Variants in RNF125 observed in about 807,000 individuals in gnomAD.
RNF125 encodes the protein ring finger protein 125.
A neutral mutation model predicts 26.0 loss-of-function variants in RNF125; 21 were observed. The observed-to-expected ratio is 0.81, with a 90% CI of 0.57 to 1.16. RNF125 has a LOEUF of 1.16. Ranked by LOEUF, RNF125 falls within the 50% of genes most tolerant of loss-of-function variation. The pLI is 0.00. For synonymous variants in RNF125, 95 were observed against 109.2 expected (o/e 0.87, Z 0.81); for missense variants, 270 against 299.4 (o/e 0.90, Z 0.72).
chr18:32,045,367 T>C (rs2039258810), intron 3 of RNF125, among the ~76,000 whole-genome samples: 1 of 151,768 alleles, frequency 6.6e-6, no homozygotes, highest in Non-Finnish European at 1.5e-5. Flanking sequence ...GAGACCATCC[T>C]GGCCAACATG....
intron 4 of RNF125, among the ~76,000 whole-genome samples, chr18:32,057,302 A>G (rs1384004329): frequency 6.6e-6 from 1 of 151,562 alleles, no homozygotes; most frequent in Non-Finnish European, 1.5e-5. Flanking sequence ...TGGCCTAATT[A>G]TGATTCTCAG....
At chr18:32,054,163 G>A (rs939604312) in intron 4 of RNF125, among the ~76,000 whole-genome samples, 1 of 146,132 alleles carries the variant, frequency 6.8e-6, no homozygotes, top group African/African-American at 2.6e-5. Flanking sequence ...GCGTGGTCTC[G>A]GCTCGGAGCA....
the RNF125 span, among the ~76,000 whole-genome samples, chr18:32,089,007 T>C: frequency 6.6e-6 from 1 of 152,084 alleles, no homozygotes; most frequent in African/African-American, 2.4e-5. Flanking sequence ...ACAAAGGATG[T>C]CATAGACAGT....
intron 3 of RNF125, among the ~76,000 whole-genome samples, chr18:32,044,174 T>G (rs889740521): frequency 6.6e-6 from 1 of 152,046 alleles, no homozygotes; most frequent in South Asian, 2.1e-4. Flanking sequence ...GCCTAGCTAA[T>G]TTTTGTGTTT....
At chr18:32,037,359 C>T (rs552409953) in intron 2 of RNF125, 90 bp downstream of exon 2, 60 of 420,900 alleles carry the variant, frequency 1.4e-4, no homozygotes, top group East Asian at 3.8e-4. Flanking sequence ...CCCCATGGTA[C>T]GCACCTTTTT....
intron 1 of RNF125, among the ~76,000 whole-genome samples, chr18:32,029,077 G>C (rs925596646): frequency 1.3e-5 from 2 of 152,148 alleles, no homozygotes; most frequent in Non-Finnish European, 2.9e-5. Context: ...ACTGTGCCAT[G>C]AAAAGTTGAT....
intron 1 of RNF125, among the ~76,000 whole-genome samples, chr18:32,024,209 CT>C (rs563347490): frequency 1.3e-4 from 3 of 23,586 alleles, no homozygotes; most frequent in Admixed American, 4.3e-4. Context: ...TTTTTTTTTT[CT>C]TTTTTTTTTT....
At chr18:32,027,881 G>T (rs932620045) in intron 1 of RNF125, among the ~76,000 whole-genome samples, 1 of 151,980 alleles carries the variant, frequency 6.6e-6, no homozygotes, top group Admixed American at 6.6e-5. Flanking sequence ...TATACTTGAG[G>T]TTACAGAAGA....
At chr18:32,061,652 C>A (rs918021557) in intron 4 of RNF125, among the ~76,000 whole-genome samples, 2 of 152,208 alleles carry the variant, frequency 1.3e-5, no homozygotes, top group East Asian at 1.9e-4. Context: ...GCCTGGCTGG[C>A]TCATTCTTCA....
chr18:32,041,945 A>G lies in RNF125; in HGVS notation c.319-234A>G, dbSNP rs1224382254. Reference sequence around the variant, plus strand: ...GCGCCCGGCCGTATATGCTTTTTAGAAGAACCAAATTCAAGAACTTAACAG... The same window carrying G: ...GCGCCCGGCCGTATATGCTTTTTAGGAGAACCAAATTCAAGAACTTAACAG... On this transcript the variant is annotated intron_variant, in intron 2 of 5. Coordinates refer to ENST00000217740, the MANE Select transcript of RNF125 (RefSeq NM_017831.4). The G allele has an allele frequency of 8.8e-6, 4 of 456,708 alleles. No homozygotes were observed. In the East Asian group the frequency reaches 1.7e-4, roughly 20 times the overall value. The allele number at this position is 456,708 out of a possible 1,614,324, so 28.3% of individuals were successfully genotyped here. A position where few individuals can be genotyped will look rare whatever the true frequency, so the allele number is the denominator to read the frequency against.
intron 1 of RNF125, among the ~76,000 whole-genome samples, chr18:32,032,258 A>G (rs2039104596): frequency 6.6e-6 from 1 of 151,434 alleles, no homozygotes; most frequent in Non-Finnish European, 1.5e-5. Context: ...TGGTATTTTT[A>G]GTAGAGATGG....
intron 4 of RNF125, among the ~76,000 whole-genome samples, chr18:32,064,585 G>A (rs1193610963): frequency 6.6e-6 from 1 of 151,690 alleles, no homozygotes; most frequent in Non-Finnish European, 1.5e-5. Context: ...TGAAAAATAT[G>A]AGTACAGGCA....
intron 1 of RNF125, among the ~76,000 whole-genome samples, chr18:32,022,213 T>C (rs2038992677): frequency 6.6e-6 from 1 of 152,244 alleles, no homozygotes; most frequent in Non-Finnish European, 1.5e-5. Context: ...TGATTTTTGT[T>C]TGTAAACCTA....
At chr18:32,048,790 C>G (rs978851597) in intron 4 of RNF125, among the ~76,000 whole-genome samples, 14 of 152,188 alleles carry the variant, frequency 9.2e-5, no homozygotes, top group African/African-American at 3.4e-4. Flanking sequence ...CGGGCTTTTC[C>G]TGCTCAAGTT....
intron 3 of RNF125, among the ~76,000 whole-genome samples, chr18:32,044,892 G>A (rs752750506): frequency 2.0e-5 from 3 of 151,966 alleles, no homozygotes; most frequent in Non-Finnish European, 4.4e-5. Flanking sequence ...AGGTCAAGGC[G>A]GGTGGATTGC....
chr18:32,035,934 C>G (rs2039148241), intron 1 of RNF125, among the ~76,000 whole-genome samples: 1 of 152,092 alleles, frequency 6.6e-6, no homozygotes, highest in South Asian at 2.1e-4. Context: ...AGGTGGATCA[C>G]CTGAGGTCAG....
rs2039508093 is a variant in RNF125 at position 32,068,837 on chromosome 18, A to C, written c.*453A>C. On this transcript the variant is annotated 3_prime_UTR_variant, in exon 6 of 6. Coordinates refer to ENST00000217740, the MANE Select transcript of RNF125 (RefSeq NM_017831.4). The stretch of plus-strand genomic sequence containing the variant: ...AATCTGCTCCAATGCTCTTGTTCTA[A>C]TCTCTAATAGGTTAACGTTAATAAT... 6.5e-6 allele frequency: 1 copy of C among 154,500 alleles called. No individual in the cohort carries two copies. Among genetic ancestry groups the C allele is most frequent in the South Asian group, 2.0e-4 (1 of 5,046 alleles). 9.6% of individuals were successfully genotyped at this position (154,500 alleles called of 1,614,324 possible). A position where few individuals can be genotyped will look rare whatever the true frequency, so the allele number is the denominator to read the frequency against.
chr18:32,023,717 C>G (rs2039006562), intron 1 of RNF125, among the ~76,000 whole-genome samples: 1 of 152,128 alleles, frequency 6.6e-6, no homozygotes, highest in Admixed American at 6.6e-5. Flanking sequence ...ATACTCAAAA[C>G]CCAGTTTGTG....
intron 1 of RNF125, among the ~76,000 whole-genome samples, chr18:32,019,404 C>T (rs556169342): frequency 2.0e-5 from 3 of 152,182 alleles, no homozygotes; most frequent in African/African-American, 7.2e-5. Context: ...AAACGAGCTC[C>T]AGCTACAAGG....
Sources: allele counts gnomAD v4.1 joint callset (sites outside exome capture counted in the v4.1 genomes callset), GRCh38; gene constraint gnomAD v4.1.1; transcripts MANE v1.5; gene names NCBI Gene and HGNC (gene_info 2026-07-23, HGNC 2026-07-21).